Variants in AKNA observed in about 807,000 individuals in gnomAD.
The protein encoded by AKNA is AT-hook transcription factor.
Under a neutral mutation model 138.8 loss-of-function variants are expected in AKNA, and 67 were observed. The ratio of observed to expected loss-of-function variants is 0.48; its 90% CI spans 0.40 to 0.59. The LOEUF (loss-of-function observed/expected upper bound fraction) is 0.59. Among genes scored for constraint, AKNA ranks in the 20% least tolerant of loss-of-function variants. AKNA has a pLI of 0.00. For missense variants in AKNA, 1,813 were observed against 1,880.4 expected, an observed-to-expected ratio of 0.96 and a Z score of 0.66; for synonymous variants, 737 against 754.4, an observed-to-expected ratio of 0.98 and a Z score of 0.38.
intron 7 of AKNA, 126 bp downstream of exon 7, chr9:114,364,434 T>G: frequency 1.1e-6 from 1 of 946,216 alleles, no homozygotes; most frequent in Non-Finnish European, 1.7e-6. Flanking sequence ...AACTGTTTGC[T>G]CTAAAAGAGA....
chr9:114,337,428 G>T, intron 21 of AKNA, 122 bp from the exon 22 acceptor site: 1 of 1,046,156 alleles, frequency 9.6e-7, no homozygotes, highest in Non-Finnish European at 1.3e-6. Context: ...CTACTCTCTG[G>T]GTCTCAGTTT....
At position 114,347,779 on chromosome 9, in the gene AKNA, G is replaced by C; in HGVS notation, c.3343C>G (p.Arg1115Gly). The C allele has an allele frequency of 6.5e-7, 1 of 1,547,586 alleles. No homozygotes were observed. Among genetic ancestry groups the C allele is most frequent in the Non-Finnish European group, 8.7e-7 (1 of 1,145,404 alleles). The change falls in exon 16 of 22, where the codon CGG (arginine) becomes GGG (glycine). Residue 1115 changes from arginine to glycine, a missense_variant. By Grantham distance (125) the Arg-to-Gly change is moderately radical. Transcript: ENST00000374088. ...GAGTCTGCTGGCCGGCCGCGGGTCC[G>C]GGCGGGGCGGTCAAAGGCAGATGCT... ...RPASAFDRPARTRGRPADSPA... is the reference protein window; with the variant it reads ...RPASAFDRPAGTRGRPADSPA...
At chr9:114,331,891 A>G (rs137992042), downstream of AKNA, 13 of 1,613,866 alleles carry the variant, frequency 8.1e-6, no homozygotes, top group South Asian at 1.2e-4. Flanking sequence ...CTGCTTGTGC[A>G]TTCCCAGGTC....
intron 3 of AKNA, among the ~76,000 whole-genome samples, chr9:114,375,212 G>T (rs1322359536): frequency 6.6e-6 from 1 of 152,124 alleles, no homozygotes; most frequent in East Asian, 1.9e-4. Flanking sequence ...GAGGACAATG[G>T]GACGCATGAA....
At chr9:114,343,866 T>A in intron 18 of AKNA, 63 bp from the exon 19 acceptor site, 1 of 1,394,392 alleles carries the variant, frequency 7.2e-7, no homozygotes, top group Non-Finnish European at 9.9e-7. Flanking sequence ...TAGAGGAAGA[T>A]TCTGGAATAA....
At chr9:114,357,151 C>G (rs1831559095) in intron 12 of AKNA, among the ~76,000 whole-genome samples, 182 bp from the exon 13 acceptor site, 1 of 152,208 alleles carries the variant, frequency 6.6e-6, no homozygotes, top group Non-Finnish European at 1.5e-5. Flanking sequence ...GCACAAGAAT[C>G]TGGCTACCAG....
chr9:114,375,304 C>A (rs139652982), intron 3 of AKNA, among the ~76,000 whole-genome samples: 1 of 151,972 alleles, frequency 6.6e-6, no homozygotes, highest in Non-Finnish European at 1.5e-5. Context: ...ATGAATTGCA[C>A]GGCAGAAGTA....
intron 16 of AKNA, among the ~76,000 whole-genome samples, chr9:114,347,063 T>C (rs1830737136): frequency 6.6e-6 from 1 of 152,126 alleles, no homozygotes; most frequent in African/African-American, 2.4e-5. Context: ...CTTCATCAAG[T>C]GCCCTCCCAT....
intron 1 of AKNA, among the ~76,000 whole-genome samples, chr9:114,384,102 C>G (rs1188325292): frequency 6.6e-6 from 1 of 152,248 alleles, no homozygotes; most frequent in Non-Finnish European, 1.5e-5. Context: ...GCTAAGATCA[C>G]CCAGCTACTT....
Position 114,340,221 on chromosome 9 carries a change from C to T in AKNA, c.4067+1312G>A, listed in dbSNP as rs191579389. On this transcript the variant is annotated intron_variant, in intron 21 of 21. Transcript: ENST00000374088. Reference sequence around the variant, plus strand: ...CACCAAGCACCAGCCCTCACAGTGACGCAGGCCCTCACTGCCTACACACCC... The same window carrying T: ...CACCAAGCACCAGCCCTCACAGTGATGCAGGCCCTCACTGCCTACACACCC... Among the ~76,000 whole-genome samples the T allele has an allele frequency of 3.3e-3, 509 of 152,320 alleles. 4 individuals carry two copies. The highest frequency in any genetic ancestry group is 0.012 in the African/African-American group (485 of 41,560).
upstream of AKNA, among the ~76,000 whole-genome samples, chr9:114,395,869 C>T (rs2132166001): frequency 6.6e-6 from 1 of 151,946 alleles, no homozygotes; most frequent in South Asian, 2.1e-4. Context: ...GAATGCTGCA[C>T]TGGGAAGAGA....
intron 14 of AKNA, among the ~76,000 whole-genome samples, chr9:114,352,158 C>A (rs898103978): frequency 6.6e-6 from 1 of 152,192 alleles, no homozygotes; most frequent in African/African-American, 2.4e-5. Flanking sequence ...TGTATCTTGA[C>A]TGCATCAATG....
chr9:114,381,123 A>T lies in AKNA; in HGVS notation c.211T>A (p.Trp71Arg). The change falls in exon 2 of 22, where the codon TGG becomes AGG. Residue 71 changes from tryptophan to arginine, a missense_variant. Coordinates refer to ENST00000374088, the MANE Select transcript of AKNA (RefSeq NM_001317950.2). The stretch of plus-strand genomic sequence containing the variant: ...CCATCGGGCTGCGGGTGTGGGTCCC[A>T]CTCCAGGGGCGGCAGGTGCTGCTGG... ...LAQQHLPPLE[W>R]DPHPQPDGHQ... 1 of 1,611,864 alleles carries T rather than the reference A, an allele frequency of 6.2e-7. No homozygotes were observed. Among genetic ancestry groups the T allele is most frequent in the Middle Eastern group, 1.7e-4 (1 of 6,036 alleles).
At chr9:114,385,354 CCAGGGCCTCAGG>C (rs1446036694) in intron 1 of AKNA, among the ~76,000 whole-genome samples, 15 of 152,222 alleles carry the variant, frequency 9.9e-5, no homozygotes, top group African/African-American at 3.6e-4. Context: ...GCATTTTAAA[CCAGGGCCTCAGG>C]CAGGGCCTGC....
intron 19 of AKNA, among the ~76,000 whole-genome samples, chr9:114,343,235 T>C (rs2131798120): frequency 6.6e-6 from 1 of 152,320 alleles, no homozygotes; most frequent in Non-Finnish European, 1.5e-5. Context: ...AGAGACCATC[T>C]CTTCCAATCC....
At chr9:114,356,216 A>C (rs912538788) in intron 13 of AKNA, 80 bp from the exon 14 acceptor site, 2 of 1,344,412 alleles carry the variant, frequency 1.5e-6, no homozygotes, top group African/African-American at 2.9e-5. Flanking sequence ...GCCCCTCCAC[A>C]TGCTAACCCA....
chr9:114,344,539 T>C (rs1830557375), intron 18 of AKNA: 1 of 152,316 alleles, frequency 6.6e-6, no homozygotes, highest in African/African-American at 2.4e-5. Flanking sequence ...TCCTGTGCTG[T>C]TCTGGCTTTG....
chr9:114,331,552 C>G (rs770934975), downstream of AKNA: 9 of 1,606,680 alleles, frequency 5.6e-6, no homozygotes, highest in South Asian at 7.7e-5. Flanking sequence ...CCCAGAGGCT[C>G]TTTTTCTCTT....
chr9:114,361,404 C>T (rs1236164891), intron 9 of AKNA, among the ~76,000 whole-genome samples: 1 of 152,114 alleles, frequency 6.6e-6, no homozygotes, highest in Non-Finnish European at 1.5e-5. Context: ...CTCACAGAAC[C>T]CCATAATTCT....
Sources: gnomAD v4.1 joint callset for allele counts (sites outside exome capture counted in the v4.1 genomes callset) on GRCh38, gnomAD v4.1.1 for gene constraint, MANE v1.5 for transcripts, NCBI Gene and HGNC (gene_info 2026-07-23, HGNC 2026-07-21) for gene names.